MEF2D: variants seen among roughly 807,000 people sequenced by gnomAD.
MEF2D encodes myocyte enhancer factor 2D, also known as myocyte-specific enhancer factor 2D.
MEF2D carries 10 observed loss-of-function variants against 59.3 expected under a neutral mutation model. The observed-to-expected ratio is 0.17, with a 90% CI of 0.10 to 0.29. The LOEUF is 0.29. MEF2D is among the 10% of genes least tolerant of loss of function. MEF2D has a pLI of 1.00. For missense variants in MEF2D, 508 were observed against 699.4 expected, an observed-to-expected ratio of 0.73 and a Z score of 3.09; for synonymous variants, 305 against 295.0, an observed-to-expected ratio of 1.03 and a Z score of -0.35.
chr1:156,476,391 G>T, intron 8 of MEF2D, 103 bp downstream of exon 8: 1 of 1,341,610 alleles, frequency 7.5e-7, no homozygotes, highest in Non-Finnish European at 1.1e-6. Flanking sequence ...AACAGTTCAC[G>T]CACAGGCGAG....
chr1:156,483,900 T>A (rs978309848), intron 1 of MEF2D, among the ~76,000 whole-genome samples: 1 of 152,174 alleles, frequency 6.6e-6, no homozygotes. Context: ...GGATGGGATG[T>A]CTCTGGTGCC....
rs569164298 is a variant in MEF2D at position 156,489,044 on chromosome 1, G to A, written c.-138-5614C>T. Among the ~76,000 whole-genome samples, 9 of 152,306 alleles carry A rather than the reference G, an allele frequency of 5.9e-5. No individual in the cohort carries two copies. In the South Asian group the frequency reaches 1.9e-3, roughly 32 times the overall value. On this transcript the variant is annotated intron_variant, in intron 1 of 11. Coordinates refer to ENST00000348159, the MANE Select transcript of MEF2D (RefSeq NM_005920.4). Reference sequence around the variant, plus strand: ...CTCCCATACCAGCACAGGTCAAAAGGGAGCAGATGCCCAGAGAAGCTGAGT... The same window carrying A: ...CTCCCATACCAGCACAGGTCAAAAGAGAGCAGATGCCCAGAGAAGCTGAGT...
In MEF2D at chr1:156,468,974, A is replaced by G. The variant is rs1671056830; in HGVS notation, c.1053T>C (p.Ser351=). The change falls in exon 10 of 12, where the codon AGT becomes AGC. Residue 351 remains serine, a synonymous_variant. Coordinates refer to ENST00000348159, the MANE Select transcript of MEF2D (RefSeq NM_005920.4). This position sits in a 1 kb window ranked among gnomAD's most constrained non-coding sequence, Gnocchi z 4.3. ...SAELSSLPAF[S]SPGGLSLGNV... ...TGCCTAGCGACAGCCCCCCAGGTGA[A>G]CTAAAGGCTGGTAAGGAGGAGAGCT... is the stretch of plus-strand genomic sequence containing the variant. The G allele has an allele frequency of 3.1e-6, 5 of 1,613,046 alleles. No homozygotes were observed. Among genetic ancestry groups the G allele is most frequent in the Non-Finnish European group, 4.2e-6 (5 of 1,179,246 alleles).
rs1670725364 is a variant in MEF2D at position 156,464,603 on chromosome 1, T to C, written c.*3042A>G. 1 of 152,142 alleles carries C rather than the reference T, an allele frequency of 6.6e-6. No individual in the cohort carries two copies. The allele number at this position is 152,142 out of a possible 1,614,324, so 9.4% of individuals were successfully genotyped here. On this transcript the variant is annotated 3_prime_UTR_variant, in exon 12 of 12. Coordinates refer to ENST00000348159, the MANE Select transcript of MEF2D (RefSeq NM_005920.4). ...AATTTGGCTTGAGAGGAAGAAGACATTAAGTCCTCATCTGAGGTCTGGGTT... is the reference window on the plus strand; with the variant it reads ...AATTTGGCTTGAGAGGAAGAAGACACTAAGTCCTCATCTGAGGTCTGGGTT...
At chr1:156,497,746 C>T (rs553117794) in intron 1 of MEF2D, among the ~76,000 whole-genome samples, 1 of 152,118 alleles carries the variant, frequency 6.6e-6, no homozygotes, top group African/African-American at 2.4e-5. Context: ...AAGTGTCCAA[C>T]CAAGGGCCCA....
rs1349892028 is a variant in MEF2D at position 156,468,806 on chromosome 1, C to T, written c.1221G>A (p.Leu407=). ...PQQPPQQQSH[L]VPVSLSNLIP... ...TGAGGTTGCTGAGAGATACAGGGAC[C>T]AGGTGGGACTGTTGCTGAGGTGGCT... Residue 407 remains leucine (L), a synonymous_variant, in exon 10 of 12, where the codon CTG becomes CTA. Coordinates refer to ENST00000348159, the MANE Select transcript of MEF2D (RefSeq NM_005920.4). The surrounding 1 kb of genome is among the most constrained non-coding windows in gnomAD (Gnocchi z 4.3). 6.2e-7 allele frequency: 1 copy of T among 1,613,920 alleles called. No individual in the cohort carries two copies. Among genetic ancestry groups the T allele is most frequent in the Admixed American group, 1.7e-5 (1 of 60,010 alleles).
intron 1 of MEF2D, among the ~76,000 whole-genome samples, chr1:156,498,569 G>C (rs923291310): frequency 6.6e-6 from 1 of 151,950 alleles, no homozygotes; most frequent in Non-Finnish European, 1.5e-5. Flanking sequence ...CCCTACAGGG[G>C]TGAGTAAAAG....
At chr1:156,494,313 C>T (rs1189385057) in intron 1 of MEF2D, among the ~76,000 whole-genome samples, 1 of 152,088 alleles carries the variant, frequency 6.6e-6, no homozygotes, top group African/African-American at 2.4e-5. Flanking sequence ...CAGGGATGGG[C>T]TCTCCCCGTA....
intron 1 of MEF2D, among the ~76,000 whole-genome samples, chr1:156,490,151 T>G (rs954395809): frequency 8.6e-5 from 13 of 151,886 alleles, no homozygotes; most frequent in African/African-American, 3.1e-4. Flanking sequence ...ACATTGTCCC[T>G]CTCCCCATCC....
Position 156,464,403 on chromosome 1 carries a change from A to T in MEF2D, c.*3242T>A, listed in dbSNP as rs1458540344. ...GTCAGGGGTCAGTCTTGCTGCACTG[A>T]GTGTGCTGTTGAGGGGGGGAGAATG... is the stretch of plus-strand genomic sequence containing the variant. On this transcript the variant is annotated 3_prime_UTR_variant, in exon 12 of 12. Coordinates refer to ENST00000348159, the MANE Select transcript of MEF2D (RefSeq NM_005920.4). 2 of 100,962 alleles carry T rather than the reference A, an allele frequency of 2.0e-5. No individual in the cohort carries two copies. The highest frequency in any genetic ancestry group is 7.9e-5 in the African/African-American group (2 of 25,330). 6.3% of individuals were successfully genotyped at this position (100,962 alleles called of 1,614,324 possible). A position where few individuals can be genotyped will look rare whatever the true frequency, so the allele number is the denominator to read the frequency against.
At chr1:156,494,283 G>A (rs984342758) in intron 1 of MEF2D, among the ~76,000 whole-genome samples, 5 of 151,962 alleles carry the variant, frequency 3.3e-5, no homozygotes, top group Admixed American at 1.3e-4. Context: ...CCCGCCTGCC[G>A]TGCATTTCTA....
intron 1 of MEF2D, among the ~76,000 whole-genome samples, chr1:156,493,275 G>A (rs1672923482): frequency 6.6e-6 from 1 of 152,206 alleles, no homozygotes; most frequent in South Asian, 2.1e-4. Flanking sequence ...CTACGATGAT[G>A]ACAGGGGACC....
At chr1:156,481,954 A>C (rs933949517) in intron 3 of MEF2D, among the ~76,000 whole-genome samples, 24 of 152,368 alleles carry the variant, frequency 1.6e-4, no homozygotes, top group African/African-American at 5.8e-4. Flanking sequence ...GTCCTTCAAC[A>C]GTTCACAATG....
chr1:156,483,575 C>A, intron 1 of MEF2D, 145 bp from the exon 2 acceptor site: 1 of 553,016 alleles, frequency 1.8e-6, no homozygotes, highest in South Asian at 2.4e-5. Flanking sequence ...TGCTGTCTGC[C>A]TGAGGCAATG....
Position 156,467,675 on chromosome 1 carries a change from G to T in MEF2D, c.1555-19C>A, listed in dbSNP as rs374497542. The T allele has an allele frequency of 7.4e-7, 1 of 1,345,532 alleles. No homozygotes were observed. The highest frequency in any genetic ancestry group is 9.6e-7 in the Non-Finnish European group (1 of 1,040,786). 83.3% of individuals were successfully genotyped at this position (1,345,532 alleles called of 1,614,324 possible). A position where few individuals can be genotyped will look rare whatever the true frequency, so the allele number is the denominator to read the frequency against. ...TTAATGTCTGTGAAGAGAGGAGATG[G>T]AGAAGGGGGTGTGAGGGGGTGGCCC... On this transcript the variant is annotated intron_variant, in intron 11 of 11. Transcript: ENST00000348159.
chr1:156,481,379 G>C (rs889922576), intron 3 of MEF2D, among the ~76,000 whole-genome samples: 1 of 152,142 alleles, frequency 6.6e-6, no homozygotes, highest in Non-Finnish European at 1.5e-5. Context: ...GAGTTCTCCA[G>C]GGGGAGGTAG....
intron 1 of MEF2D, among the ~76,000 whole-genome samples, chr1:156,493,630 G>A (rs1293031640): frequency 1.3e-5 from 2 of 152,170 alleles, no homozygotes; most frequent in Non-Finnish European, 2.9e-5. Context: ...CGCCAAATCC[G>A]TGCTCCTTAC....
chr1:156,479,862 T>C, intron 4 of MEF2D, 66 bp from the exon 5 acceptor site: 3 of 1,466,252 alleles, frequency 2.0e-6, no homozygotes, highest in Non-Finnish European at 2.8e-6. Flanking sequence ...CCACTTTTCC[T>C]GGGAGGGCAG....
At chr1:156,493,109 C>A (rs754107343) in intron 1 of MEF2D, among the ~76,000 whole-genome samples, 17 of 152,182 alleles carry the variant, frequency 1.1e-4, no homozygotes, top group African/African-American at 1.4e-4. Context: ...AGCACTGAGA[C>A]AGGGCTGCTC....
Sources: allele counts gnomAD v4.1 joint callset (sites outside exome capture counted in the v4.1 genomes callset), GRCh38; gene constraint gnomAD v4.1.1; non-coding constraint Gnocchi (gnomAD v3.1); transcripts MANE v1.5; gene names NCBI Gene and HGNC (gene_info 2026-07-23, HGNC 2026-07-21).